The following CNBD1 variants were observed in gnomAD, a reference collection of about 807,000 sequenced individuals.
CNBD1 encodes cyclic nucleotide binding domain containing 1.
Under a neutral mutation model 54.4 loss-of-function variants are expected in CNBD1, and 71 were observed. The ratio of observed to expected loss-of-function variants is 1.30; its 90% CI spans 1.08 to 1.59. The LOEUF (loss-of-function observed/expected upper bound fraction) is 1.59, where lower values mean the gene tolerates loss of function less well. Among genes scored for constraint, CNBD1 ranks in the 40% most tolerant of loss-of-function variants. CNBD1 has a pLI of 0.00. For missense variants in CNBD1, 659 were observed against 518.0 expected, an observed-to-expected ratio of 1.27 and a Z score of -2.64; for synonymous variants, 182 against 170.7, an observed-to-expected ratio of 1.07 and a Z score of -0.51.
intron 4 of CNBD1, among the ~76,000 whole-genome samples, chr8:86,946,304 C>T (rs1243588878): frequency 2.0e-5 from 3 of 151,950 alleles, no homozygotes; most frequent in African/African-American, 7.2e-5. Context: ...CATATATTTG[C>T]ATTAGTTTAC....
intron 4 of CNBD1, among the ~76,000 whole-genome samples, chr8:86,960,379 C>G (rs1281075003): frequency 6.6e-6 from 1 of 152,200 alleles, no homozygotes; most frequent in African/African-American, 2.4e-5. Flanking sequence ...CAGAGCCTCA[C>G]TCACTGCTAG....
At chr8:87,302,267 G>T (rs1490398296) in intron 8 of CNBD1, among the ~76,000 whole-genome samples, 1 of 152,278 alleles carries the variant, frequency 6.6e-6, no homozygotes, top group Non-Finnish European at 1.5e-5. Context: ...GAATCCAGCA[G>T]CACATCAAAA....
chr8:87,295,906 T>C (rs1390939303), intron 8 of CNBD1, among the ~76,000 whole-genome samples: 1 of 152,132 alleles, frequency 6.6e-6, no homozygotes, highest in Admixed American at 6.6e-5. Flanking sequence ...TAAATACTAT[T>C]CATTTTAATA....
At position 87,112,275 on chromosome 8, in the gene CNBD1, A is replaced by G. The variant is rs151112963; in HGVS notation, c.432-93718A>G. 1.1e-3 allele frequency among the ~76,000 whole-genome samples: 167 copies of G among 152,242 alleles called. 1 individual carries two copies. Among genetic ancestry groups the G allele is most frequent in the Middle Eastern group, 6.8e-3 (2 of 294 alleles). The stretch of plus-strand genomic sequence containing the variant: ...ATCATTGCCAGGGCGTTCAATTTTG[A>G]GTCATGGGATAGTGCCCTGTTTTTG... On this transcript the variant is annotated intron_variant, in intron 4 of 10. Coordinates refer to ENST00000518476, the MANE Select transcript of CNBD1 (RefSeq NM_173538.3).
intron 4 of CNBD1, among the ~76,000 whole-genome samples, chr8:87,033,316 T>C (rs1328200000): frequency 6.6e-6 from 1 of 152,212 alleles, no homozygotes; most frequent in African/African-American, 2.4e-5. Flanking sequence ...ACCACTTCAG[T>C]GCCTTTGGTG....
At chr8:87,346,657 A>C (rs1307303067) in intron 8 of CNBD1, among the ~76,000 whole-genome samples, 3 of 152,100 alleles carry the variant, frequency 2.0e-5, no homozygotes, top group African/African-American at 7.2e-5. Context: ...GAGTATAGTG[A>C]CTATGTGCTG....
chr8:87,286,787 T>G (rs567184946), intron 8 of CNBD1, 116 bp downstream of exon 8: 1 of 733,194 alleles, frequency 1.4e-6, no homozygotes, highest in African/African-American at 1.8e-5. Flanking sequence ...ATTCTCTAAT[T>G]TATTTGATAA....
intron 2 of CNBD1, among the ~76,000 whole-genome samples, chr8:86,887,866 A>C (rs1351358251): frequency 6.6e-6 from 1 of 152,162 alleles, no homozygotes; most frequent in Non-Finnish European, 1.5e-5. Flanking sequence ...GTACTTAAAA[A>C]GCAGTCATAA....
intron 10 of CNBD1, among the ~76,000 whole-genome samples, chr8:87,381,602 A>G (rs1403630108): frequency 6.6e-6 from 1 of 152,050 alleles, no homozygotes; most frequent in Non-Finnish European, 1.5e-5. Flanking sequence ...TATGCATAAT[A>G]GCTAATATGT....
chr8:87,123,920 C>T (rs1811943010), intron 4 of CNBD1, among the ~76,000 whole-genome samples: 1 of 151,506 alleles, frequency 6.6e-6, no homozygotes, highest in Non-Finnish European at 1.5e-5. Flanking sequence ...ATGGACCCTA[C>T]CAAGACTGAA....
chr8:87,199,532 G>A (rs948857593), intron 4 of CNBD1, among the ~76,000 whole-genome samples: 5 of 152,050 alleles, frequency 3.3e-5, no homozygotes, highest in Non-Finnish European at 5.9e-5. Context: ...ATTTTTTTGT[G>A]ATAAGAACAC....
chr8:87,230,690 A>G (rs1448772241), intron 5 of CNBD1, among the ~76,000 whole-genome samples: 4 of 152,178 alleles, frequency 2.6e-5, no homozygotes, highest in Non-Finnish European at 5.9e-5. Context: ...TGCATGACAA[A>G]TATTTAATGC....
intron 8 of CNBD1, among the ~76,000 whole-genome samples, chr8:87,297,115 T>C (rs1038298628): frequency 1.4e-5 from 2 of 146,734 alleles, no homozygotes; most frequent in African/African-American, 5.1e-5. Flanking sequence ...GAGGTGGAGC[T>C]TGCAGTGAGC....
At chr8:87,186,951 C>G (rs1303097331) in intron 4 of CNBD1, among the ~76,000 whole-genome samples, 1 of 151,922 alleles carries the variant, frequency 6.6e-6, no homozygotes, top group Non-Finnish European at 1.5e-5. Context: ...ATCCCAAAAG[C>G]AATAGAAGTG....
chr8:87,333,486 A>G lies in CNBD1; in HGVS notation c.1043-18199A>G, dbSNP rs1412628269. On this transcript the variant is annotated intron_variant, in intron 8 of 10. Coordinates refer to ENST00000518476, the MANE Select transcript of CNBD1 (RefSeq NM_173538.3). ...AAGGGAATACTACCAGCTTTTGCCC[A>G]TTCAGTATGATATTGGCTGTGGGTT... 3.3e-5 allele frequency among the ~76,000 whole-genome samples: 5 copies of G among 152,286 alleles called. 1 individual carries two copies. The South Asian group carries it at 1.0e-3, about 32-fold the overall frequency.
chr8:87,324,338 C>T lies in CNBD1; in HGVS notation c.1043-27347C>T, dbSNP rs1296886814. Among the ~76,000 whole-genome samples, 6 of 126,270 alleles carry T rather than the reference C, an allele frequency of 4.8e-5. 1 individual carries two copies. The highest frequency in any genetic ancestry group is 2.3e-4 in the Admixed American group (3 of 13,052). The allele number at this position is 126,270 out of a possible 152,430, so 82.8% of individuals were successfully genotyped here. A position where few individuals can be genotyped will look rare whatever the true frequency, so the allele number is the denominator to read the frequency against. Reference sequence around the variant, plus strand: ...CTCATAAAATGAGTTAGGGAGGATTCCCTCTTTTTCTATTGATTGGAATAA... The same window carrying T: ...CTCATAAAATGAGTTAGGGAGGATTTCCTCTTTTTCTATTGATTGGAATAA... On this transcript the variant is annotated intron_variant, in intron 8 of 10. Coordinates refer to ENST00000518476, the MANE Select transcript of CNBD1 (RefSeq NM_173538.3).
chr8:87,071,060 GTTT>G (rs1389130399), intron 4 of CNBD1, among the ~76,000 whole-genome samples: 1 of 151,960 alleles, frequency 6.6e-6, no homozygotes, highest in Non-Finnish European at 1.5e-5. Context: ...TAAAAAAACA[GTTT>G]TTTAAAAAAG....
At chr8:87,179,654 T>A (rs1662462379) in intron 4 of CNBD1, among the ~76,000 whole-genome samples, 1 of 152,156 alleles carries the variant, frequency 6.6e-6, no homozygotes, top group African/African-American at 2.4e-5. Context: ...TGGAAGGGTT[T>A]TATTAAAGTT....
At chr8:87,075,620 A>C (rs1473931927) in intron 4 of CNBD1, among the ~76,000 whole-genome samples, 4 of 152,042 alleles carry the variant, frequency 2.6e-5, no homozygotes, top group Admixed American at 2.6e-4. Flanking sequence ...CAGGGAAGTC[A>C]ATTTGAAGTT....
Sources: gnomAD v4.1 joint callset for allele counts (sites outside exome capture counted in the v4.1 genomes callset) on GRCh38, gnomAD v4.1.1 for gene constraint, MANE v1.5 for transcripts, NCBI Gene and HGNC (gene_info 2026-07-23, HGNC 2026-07-21) for gene names.